SIPA1L3: variants seen among roughly 807,000 people sequenced by gnomAD.
SIPA1L3 encodes the protein signal-induced proliferation-associated 1-like protein 3.
Under a neutral mutation model 150.1 loss-of-function variants are expected in SIPA1L3, and 59 were observed. The observed-to-expected ratio is 0.39, with a 90% CI of 0.32 to 0.49. The LOEUF is 0.49. Ranked by LOEUF, SIPA1L3 falls within the 20% of genes least tolerant of loss-of-function variation. SIPA1L3 has a pLI of 0.86. For missense variants in SIPA1L3, 2,211 were observed against 2,489.5 expected, an observed-to-expected ratio of 0.89 and a Z score of 2.38; for synonymous variants, 1,070 against 1,077.6, an observed-to-expected ratio of 0.99 and a Z score of 0.14.
intron 1 of SIPA1L3, among the ~76,000 whole-genome samples, chr19:37,999,443 C>G (rs1317026354): frequency 2.0e-5 from 3 of 152,234 alleles, no homozygotes; most frequent in Non-Finnish European, 2.9e-5. Flanking sequence ...TCTTGCCCAT[C>G]CTTGTTAAAC....
At chr19:38,021,309 G>A (rs2145701251) in intron 1 of SIPA1L3, among the ~76,000 whole-genome samples, 1 of 152,282 alleles carries the variant, frequency 6.6e-6, no homozygotes, top group South Asian at 2.1e-4. Flanking sequence ...TGGAGAGAGA[G>A]GCTGGCAGGT....
At chr19:37,990,560 G>C (rs752181170) in intron 1 of SIPA1L3, among the ~76,000 whole-genome samples, 1 of 152,346 alleles carries the variant, frequency 6.6e-6, no homozygotes, top group East Asian at 1.9e-4. Context: ...AACTGCAGGT[G>C]GACGATGAGT....
At chr19:37,954,765 C>T (rs1214844960) in intron 1 of SIPA1L3, among the ~76,000 whole-genome samples, 2 of 152,054 alleles carry the variant, frequency 1.3e-5, no homozygotes, top group East Asian at 3.9e-4. Flanking sequence ...TATATATACA[C>T]ACGTGCCATA....
At chr19:38,195,069 C>T (rs1972891390) in intron 18 of SIPA1L3, among the ~76,000 whole-genome samples, 1 of 152,078 alleles carries the variant, frequency 6.6e-6, no homozygotes, top group Non-Finnish European at 1.5e-5. Flanking sequence ...AAAAACTTCC[C>T]CTGCAGCTCC....
chr19:38,082,507 TGGGCGTTCCCCGGGGGAGGCC>T lies in SIPA1L3; in HGVS notation c.944_964del (p.Gly315_Ala321del), dbSNP rs1395476980. The T allele has an allele frequency of 3.8e-6, 6 of 1,596,180 alleles. No homozygotes were observed. The highest frequency in any genetic ancestry group is 1.7e-4 in the Middle Eastern group (1 of 6,022). On this transcript the variant is annotated inframe_deletion, in exon 3 of 22. Transcript: ENST00000222345. ...GGAGCAGCAAACCCGAGGGGGAGGCTGGGCGTTCCCCGGGGGAGGCCGACGAGGGCCGGAGCCCCCCGGAAG... is the reference window on the plus strand; with the variant it reads ...GGAGCAGCAAACCCGAGGGGGAGGCTGACGAGGGCCGGAGCCCCCCGGAAG...
At chr19:38,017,770 A>G (rs1053011998) in intron 1 of SIPA1L3, among the ~76,000 whole-genome samples, 2 of 151,934 alleles carry the variant, frequency 1.3e-5, no homozygotes, top group African/African-American at 2.4e-5. Flanking sequence ...GGCTAAAGCA[A>G]TCCTCCCATC....
At chr19:38,106,778 G>A (rs1224372220) in intron 7 of SIPA1L3, 138 bp downstream of exon 7, 1 of 639,276 alleles carries the variant, frequency 1.6e-6, no homozygotes, top group Non-Finnish European at 2.8e-6. Flanking sequence ...CACTTTCCCT[G>A]GGGGTTAGAG....
rs577089322 is a variant in SIPA1L3, at chr19:38,122,982, C to T, written c.2868+3100C>T. ...GCACTGTGTGTTATCTGTTCACTGC[C>T]GTGTCCTCAGCACCTGGGCCAGCAT... On this transcript the variant is annotated intron_variant, in intron 9 of 21. Coordinates refer to ENST00000222345, the MANE Select transcript of SIPA1L3 (RefSeq NM_015073.3). 4.6e-5 allele frequency among the ~76,000 whole-genome samples: 7 copies of T among 152,312 alleles called. No individual in the cohort carries two copies. The South Asian group carries it at 1.0e-3, about 23-fold the overall frequency.
Position 38,193,742 on chromosome 19 carries a change from C to A in SIPA1L3, c.4802C>A (p.Ala1601Asp), listed in dbSNP as rs1349074464. 1.9e-6 allele frequency: 3 copies of A among 1,572,672 alleles called. No homozygotes were observed. The highest frequency in any genetic ancestry group is 2.6e-6 in the Non-Finnish European group (3 of 1,168,202). Residue 1601 changes from alanine (A) to aspartate (D), a missense_variant, in exon 18 of 22, where the codon GCC becomes GAC. Ala to Asp is a moderately radical substitution (Grantham distance 126, BLOSUM62 -2). Coordinates refer to ENST00000222345, the MANE Select transcript of SIPA1L3 (RefSeq NM_015073.3). ...QHPHPPVGPG[A>D]TPAAGSGFPE... ...CCCCACCCGCCCGTCGGCCCCGGTG[C>A]CACCCCTGCCGCCGGCAGCGGCTTT...
At position 38,137,492 on chromosome 19, in the gene SIPA1L3, ATTT is replaced by A. The variant is rs57123423; in HGVS notation, c.3144-3681_3144-3679del. Among the ~76,000 whole-genome samples the A allele has an allele frequency of 1.4e-4, 20 of 147,600 alleles. 1 individual carries two copies. The highest frequency in any genetic ancestry group is 8.8e-4 in the South Asian group (4 of 4,560). On this transcript the variant is annotated intron_variant, in intron 10 of 21. Coordinates refer to ENST00000222345, the MANE Select transcript of SIPA1L3 (RefSeq NM_015073.3). Reference sequence around the variant, plus strand: ...ATGTGAGCCACTGCACCTGGCCCATATTTTTTTTTTTTTAGGAGATGGGGTCTA... The same window carrying A: ...ATGTGAGCCACTGCACCTGGCCCATATTTTTTTTTTAGGAGATGGGGTCTA...
chr19:38,154,421 A>AT (rs1971895897), intron 13 of SIPA1L3, among the ~76,000 whole-genome samples: 1 of 152,082 alleles, frequency 6.6e-6, no homozygotes, highest in Admixed American at 6.6e-5. Flanking sequence ...TCTAGGTCAT[A>AT]TTTTTAAGTT....
At chr19:37,961,171 T>C (rs2046855537) in intron 1 of SIPA1L3, among the ~76,000 whole-genome samples, 1 of 74,140 alleles carries the variant, frequency 1.3e-5, no homozygotes, top group Admixed American at 1.3e-4. Context: ...GCCCAACCCT[T>C]TTTTTTTTTT....
chr19:37,980,569 C>T (rs1397077795), intron 1 of SIPA1L3, among the ~76,000 whole-genome samples: 6 of 152,084 alleles, frequency 3.9e-5, no homozygotes, highest in East Asian at 1.9e-4. Context: ...TTCCGGGGAG[C>T]GTGGCTCCCT....
At chr19:37,926,835 A>G (rs1054714523) in intron 1 of SIPA1L3, among the ~76,000 whole-genome samples, 8 of 152,208 alleles carry the variant, frequency 5.3e-5, no homozygotes, top group African/African-American at 1.9e-4. Flanking sequence ...AGCAGCAAGT[A>G]GGCAATGTAT....
intron 2 of SIPA1L3, among the ~76,000 whole-genome samples, chr19:38,040,878 A>G (rs1968902566): frequency 6.6e-6 from 1 of 152,076 alleles, no homozygotes; most frequent in South Asian, 2.1e-4. Flanking sequence ...CTCCTGTCTC[A>G]GCCTCCCAAG....
chr19:38,079,198 T>G (rs1969921932), intron 2 of SIPA1L3, among the ~76,000 whole-genome samples: 1 of 152,142 alleles, frequency 6.6e-6, no homozygotes. Flanking sequence ...CCAGGTATGG[T>G]GGCAGGCACC....
chr19:38,200,269 C>T (rs545790700), intron 19 of SIPA1L3: 1 of 152,228 alleles, frequency 6.6e-6, no homozygotes, highest in East Asian at 1.9e-4. Flanking sequence ...AGTCCAAGCT[C>T]CTCGGGAGGC....
intron 1 of SIPA1L3, among the ~76,000 whole-genome samples, chr19:38,006,047 T>C (rs1467811353): frequency 6.6e-6 from 1 of 151,764 alleles, no homozygotes; most frequent in Non-Finnish European, 1.5e-5. Flanking sequence ...CAAAGAAAAA[T>C]AAAAGCACCC....
intron 1 of SIPA1L3, among the ~76,000 whole-genome samples, chr19:38,012,237 C>T (rs1968119253): frequency 6.6e-6 from 1 of 151,940 alleles, no homozygotes; most frequent in South Asian, 2.1e-4. Flanking sequence ...AGGTGCATGC[C>T]CCCATGTCCA....
Sources: gnomAD v4.1 joint callset for allele counts (sites outside exome capture counted in the v4.1 genomes callset) on GRCh38, gnomAD v4.1.1 for gene constraint, MANE v1.5 for transcripts, NCBI Gene and HGNC (gene_info 2026-07-23, HGNC 2026-07-21) for gene names.